The following NUDT3 variants were observed in gnomAD, a reference collection of about 807,000 sequenced individuals.
NUDT3 encodes nudix hydrolase 3.
A neutral mutation model predicts 23.6 loss-of-function variants in NUDT3; 9 were observed. That is an observed-to-expected ratio of 0.38 (90% CI 0.23 to 0.66). The LOEUF is 0.66. Among genes scored for constraint, NUDT3 ranks in the 30% least tolerant of loss-of-function variants. NUDT3 has a pLI of 0.52. For missense variants in NUDT3, 172 were observed against 218.5 expected, an observed-to-expected ratio of 0.79 and a Z score of 1.34; for synonymous variants, 86 against 82.6, an observed-to-expected ratio of 1.04 and a Z score of -0.22.
chr6:34,299,455 G>T (rs925691135), intron 2 of NUDT3, among the ~76,000 whole-genome samples: 11 of 151,860 alleles, frequency 7.2e-5, no homozygotes, highest in Admixed American at 6.6e-4. Context: ...TTAAGAGACA[G>T]GGTCTCACTC....
chr6:34,357,205 A>G (rs1317070887), intron 1 of NUDT3, among the ~76,000 whole-genome samples: 1 of 152,198 alleles, frequency 6.6e-6, no homozygotes, highest in Non-Finnish European at 1.5e-5. Flanking sequence ...GATTACGAAT[A>G]TACATCCTAC....
At chr6:34,292,618 AAT>A (rs903887406) in intron 4 of NUDT3, among the ~76,000 whole-genome samples, 2 of 148,506 alleles carry the variant, frequency 1.3e-5, no homozygotes, top group African/African-American at 5.1e-5. Context: ...AAAATATAAA[AAT>A]ATATATTATA....
intron 1 of NUDT3, among the ~76,000 whole-genome samples, chr6:34,351,198 T>TTAAAAAAAAAAAAAAAAAAAAAAA (rs1764462307): frequency 1.1e-4 from 2 of 17,892 alleles, no homozygotes; most frequent in Non-Finnish European, 2.3e-4. Flanking sequence ...CTCCCCTGCC[T>TTAAAAAAAAAAAAAAAAAAAAAAA]AAAAAAAAAA....
chr6:34,388,295 ATC>A (rs1426842023), intron 1 of NUDT3, among the ~76,000 whole-genome samples: 4 of 152,176 alleles, frequency 2.6e-5, no homozygotes, highest in African/African-American at 9.6e-5. Context: ...CTGTATTTTC[ATC>A]TCTTTTTCTT....
chr6:34,356,970 G>A (rs1480803549), intron 1 of NUDT3, among the ~76,000 whole-genome samples: 1 of 152,022 alleles, frequency 6.6e-6, no homozygotes, highest in African/African-American at 2.4e-5. Context: ...GTAGAAACAG[G>A]GTTTCACCGT....
intron 1 of NUDT3, among the ~76,000 whole-genome samples, chr6:34,377,256 CA>C (rs758702033): frequency 7.2e-5 from 11 of 151,998 alleles, no homozygotes; most frequent in Non-Finnish European, 1.5e-4. Flanking sequence ...TTTAGAAAAG[CA>C]TTCTTCCTGG....
chr6:34,380,362 T>A (rs958744123), intron 1 of NUDT3, among the ~76,000 whole-genome samples: 1 of 152,136 alleles, frequency 6.6e-6, no homozygotes, highest in Admixed American at 6.6e-5. Context: ...CTATTTATTT[T>A]TTTTTTAAGA....
At chr6:34,297,759 A>ATATATATATATATATATATAT (rs60517827) in intron 2 of NUDT3, among the ~76,000 whole-genome samples, 4 of 71,106 alleles carry the variant, frequency 5.6e-5, no homozygotes, top group African/African-American at 2.6e-4. Context: ...ATATATATAT[A>ATATATATATATATATATATAT]ATTTTTTTTT....
At chr6:34,294,169 A>T (rs552193243) in intron 3 of NUDT3, among the ~76,000 whole-genome samples, 1 of 152,208 alleles carries the variant, frequency 6.6e-6, no homozygotes, top group East Asian at 1.9e-4. Flanking sequence ...TATTTTTAGT[A>T]GAGACAGGGT....
At chr6:34,378,654 G>A (rs1356495254) in intron 1 of NUDT3, among the ~76,000 whole-genome samples, 2 of 152,142 alleles carry the variant, frequency 1.3e-5, no homozygotes, top group African/African-American at 4.8e-5. Flanking sequence ...ACAAACATCT[G>A]GTCAGCACAC....
chr6:34,320,910 A>C (rs570125110), intron 2 of NUDT3, among the ~76,000 whole-genome samples: 3 of 152,278 alleles, frequency 2.0e-5, no homozygotes, highest in African/African-American at 7.2e-5. Flanking sequence ...GAGATGGTGA[A>C]AAAAGCACTT....
At chr6:34,290,243 CTCT>C (rs1330427282) in intron 4 of NUDT3, among the ~76,000 whole-genome samples, 14 of 149,352 alleles carry the variant, frequency 9.4e-5, no homozygotes, top group Admixed American at 7.3e-4. Context: ...TTTTCTTTCT[CTCT>C]TTTTTTTTTT....
At chr6:34,382,072 CAAAAAAA>C (rs957166787) in intron 1 of NUDT3, among the ~76,000 whole-genome samples, 961 of 34,934 alleles carry the variant, frequency 0.028, 11 homozygotes, top group African/African-American at 0.082. Flanking sequence ...GACTCTATCT[CAAAAAAA>C]AAAAAAAAAA....
chr6:34,380,394 C>A (rs1764994521), intron 1 of NUDT3, among the ~76,000 whole-genome samples: 1 of 152,016 alleles, frequency 6.6e-6, no homozygotes, highest in South Asian at 2.1e-4. Flanking sequence ...GCTCTGTCAC[C>A]CAGGTTGGAG....
At chr6:34,355,377 A>C (rs1175996945) in intron 1 of NUDT3, among the ~76,000 whole-genome samples, 2 of 152,104 alleles carry the variant, frequency 1.3e-5, no homozygotes, top group Non-Finnish European at 2.9e-5. Flanking sequence ...GGAATAAATC[A>C]CAGTTAGTCA....
At chr6:34,304,630 G>A (rs1763649464) in intron 2 of NUDT3, among the ~76,000 whole-genome samples, 1 of 151,506 alleles carries the variant, frequency 6.6e-6, no homozygotes. Context: ...AATGATCTAT[G>A]TGTAGGTTTT....
chr6:34,367,556 T>C (rs191112684), intron 1 of NUDT3, among the ~76,000 whole-genome samples: 9 of 151,524 alleles, frequency 5.9e-5, no homozygotes, highest in African/African-American at 2.2e-4. Flanking sequence ...TTTTGTCATG[T>C]AAGTAAATAA....
chr6:34,368,087 G>C (rs1045018836), intron 1 of NUDT3, among the ~76,000 whole-genome samples: 21 of 152,310 alleles, frequency 1.4e-4, no homozygotes, highest in African/African-American at 4.8e-4. Flanking sequence ...TGTAGTCCCA[G>C]CTACTCGGGA....
chr6:34,342,968 A>C (rs1764310158), intron 1 of NUDT3, among the ~76,000 whole-genome samples: 1 of 152,026 alleles, frequency 6.6e-6, no homozygotes, highest in Non-Finnish European at 1.5e-5. Context: ...CTCTACCTTC[A>C]TCCTCAGTCC....
Sources: allele counts gnomAD v4.1 joint callset (sites outside exome capture counted in the v4.1 genomes callset), GRCh38; gene constraint gnomAD v4.1.1; transcripts MANE v1.5; gene names NCBI Gene and HGNC (gene_info 2026-07-23, HGNC 2026-07-21).